Variants in DYNC1I2 observed in about 807,000 individuals in gnomAD.
The protein encoded by DYNC1I2 is dynein cytoplasmic 1 intermediate chain 2, also known as cytoplasmic dynein 1 intermediate chain 2.
In DYNC1I2, 53 loss-of-function variants were observed where a neutral mutation model predicts 88.6. The ratio of observed to expected loss-of-function variants is 0.60; its 90% confidence interval spans 0.48 to 0.75. The LOEUF is 0.75. Among genes scored for constraint, DYNC1I2 ranks in the 30% least tolerant of loss-of-function variants. The pLI is 0.00. For missense variants in DYNC1I2, 458 were observed against 766.6 expected, an observed-to-expected ratio of 0.60 and a Z score of 4.75; for synonymous variants, 198 against 254.6, an observed-to-expected ratio of 0.78 and a Z score of 2.12.
At chr2:171,732,787 A>G (rs559433351) in intron 15 of DYNC1I2, among the ~76,000 whole-genome samples, 1 of 152,228 alleles carries the variant, frequency 6.6e-6, no homozygotes, top group African/African-American at 2.4e-5. Flanking sequence ...TAGTAATCCC[A>G]TGTATAGTCA....
At position 171,730,110 on chromosome 2, in the gene DYNC1I2, G is replaced by T. The variant is rs190667828; in HGVS notation, c.1536+257G>T. 1.1e-3 allele frequency among the ~76,000 whole-genome samples: 172 copies of T among 152,280 alleles called. 2 individuals carry two copies. Among genetic ancestry groups the T allele is most frequent in the South Asian group, 2.5e-3 (12 of 4,822 alleles). ...CTTCAGTCTTTTCGAGCATGTAACT[G>T]TTTACCCTGAACTGCACTGGGAAAA... On this transcript the variant is annotated intron_variant, in intron 15 of 17. Coordinates refer to ENST00000397119, the MANE Select transcript of DYNC1I2 (RefSeq NM_001378.3).
intron 6 of DYNC1I2, 69 bp downstream of exon 6, chr2:171,712,895 T>G (rs1687220750): frequency 7.4e-7 from 1 of 1,357,464 alleles, no homozygotes; most frequent in Non-Finnish European, 1.1e-6. Flanking sequence ...TGTCCTAATT[T>G]TATTTTGCTT....
In DYNC1I2 at chr2:171,706,556, A is replaced by T; in HGVS notation, c.236A>T (p.Glu79Val). Residue 79 changes from glutamate to valine, a missense_variant, in exon 4 of 18, where the codon GAA (glutamate) becomes GTA (valine). Glu to Val is a moderately radical substitution (Grantham distance 121, BLOSUM62 -2). Transcript: ENST00000397119. Reference protein sequence around the residue: ...LTPESPIVFSEYWVPPPMSPS... With the variant: ...LTPESPIVFSVYWVPPPMSPS... ...TGTCTGTACACTTCAGTTTTTTCTGAATACTGGGGTAAGGAAGTTCCCATA... is the reference window on the plus strand; with the variant it reads ...TGTCTGTACACTTCAGTTTTTTCTGTATACTGGGGTAAGGAAGTTCCCATA... The T allele has an allele frequency of 6.2e-7, 1 of 1,612,320 alleles. No individual in the cohort carries two copies. The highest frequency in any genetic ancestry group is 1.1e-5 in the South Asian group (1 of 90,936).
Position 171,726,826 on chromosome 2 carries a change from T to C in DYNC1I2, c.906T>C (p.Asn302=). Residue 302 remains asparagine (N), a synonymous_variant, in exon 11 of 18, where the codon AAT becomes AAC. Transcript: ENST00000397119. ...PELLVASYNN[N]EDAPHEPDGV... is the part of the protein sequence containing the mutation. ...TACTCGTGGCTTCCTATAACAACAA[T>C]GAAGATGCCCCTCATGAGCCTGATG... The C allele has an allele frequency of 6.2e-7, 1 of 1,613,210 alleles. No individual in the cohort carries two copies. Among genetic ancestry groups the C allele is most frequent in the Non-Finnish European group, 8.5e-7 (1 of 1,179,392 alleles).
Position 171,737,432 on chromosome 2 carries a change from G to T in DYNC1I2, c.1537-6617G>T, listed in dbSNP as rs112526230. 2.6e-4 allele frequency among the ~76,000 whole-genome samples: 39 copies of T among 152,164 alleles called. 2 individuals carry two copies. Among genetic ancestry groups the T allele is most frequent in the African/African-American group, 8.7e-4 (36 of 41,530 alleles). ...CCTTAAAGAGCTTAGGAAAAATATG[G>T]CTTGACTCGTGACCATACTCTGTTG... On this transcript the variant is annotated intron_variant, in intron 15 of 17. Coordinates refer to ENST00000397119, the MANE Select transcript of DYNC1I2 (RefSeq NM_001378.3).
At chr2:171,728,973 G>A in intron 14 of DYNC1I2, 123 bp downstream of exon 14, 1 of 1,074,262 alleles carries the variant, frequency 9.3e-7, no homozygotes, top group Non-Finnish European at 1.3e-6. Flanking sequence ...GATTTTTTGT[G>A]TTCAGGCACA....
At chr2:171,690,320 C>A in intron 2 of DYNC1I2, 57 bp downstream of exon 2, 1 of 1,269,260 alleles carries the variant, frequency 7.9e-7, no homozygotes, top group Non-Finnish European at 1.1e-6. Flanking sequence ...TTTTATTTCA[C>A]ATATTTATAT....
intron 1 of DYNC1I2, 181 bp downstream of exon 1, chr2:171,687,808 T>G (rs1289799767): frequency 1.3e-5 from 2 of 152,854 alleles, no homozygotes; most frequent in African/African-American, 4.8e-5. Context: ...TGTTGGGGGC[T>G]TAGGCGAGGG....
chr2:171,701,870 T>C (rs937813700), intron 3 of DYNC1I2, among the ~76,000 whole-genome samples: 26 of 152,218 alleles, frequency 1.7e-4, no homozygotes, highest in African/African-American at 5.5e-4. Flanking sequence ...AATAGTATCT[T>C]CCTCTTGATT....
At chr2:171,712,171 A>G (rs1371963766) in intron 5 of DYNC1I2, among the ~76,000 whole-genome samples, 1 of 152,208 alleles carries the variant, frequency 6.6e-6, no homozygotes, top group Non-Finnish European at 1.5e-5. Context: ...ACGTAAGCCC[A>G]AGGCGGTGCT....
intron 5 of DYNC1I2, among the ~76,000 whole-genome samples, chr2:171,710,631 A>G (rs1015142346): frequency 2.0e-5 from 3 of 151,958 alleles, no homozygotes; most frequent in African/African-American, 7.3e-5. Context: ...GCTGCATTAC[A>G]TTTGTTATCT....
intron 7 of DYNC1I2, among the ~76,000 whole-genome samples, chr2:171,715,826 T>G (rs989369796): frequency 1.3e-5 from 2 of 152,150 alleles, no homozygotes; most frequent in African/African-American, 4.8e-5. Context: ...GTAAACAAAG[T>G]CATGTAAATT....
intron 3 of DYNC1I2, among the ~76,000 whole-genome samples, chr2:171,693,821 GTATT>G (rs1325360374): frequency 1.3e-5 from 2 of 152,142 alleles, no homozygotes; most frequent in South Asian, 4.1e-4. Context: ...TTAATTTTAT[GTATT>G]TATTCAATAA....
intron 3 of DYNC1I2, among the ~76,000 whole-genome samples, chr2:171,698,817 C>T (rs1249393384): frequency 6.6e-6 from 1 of 151,952 alleles, no homozygotes; most frequent in Non-Finnish European, 1.5e-5. Context: ...TGCAGTGAGC[C>T]GAGATGGCGC....
At chr2:171,725,774 A>AC (rs60951028) in intron 8 of DYNC1I2, 61 bp downstream of exon 8, 4 of 1,309,200 alleles carry the variant, frequency 3.1e-6, no homozygotes, top group East Asian at 4.9e-5. Context: ...TCCTTTTATT[A>AC]TGTATTAAAG....
chr2:171,695,179 A>C (rs1685673236), intron 3 of DYNC1I2, among the ~76,000 whole-genome samples: 1 of 151,670 alleles, frequency 6.6e-6, no homozygotes, highest in South Asian at 2.1e-4. Context: ...AGCTCACTGC[A>C]ACCTCCACCT....
chr2:171,708,415 TA>T (rs1296471665), intron 5 of DYNC1I2, among the ~76,000 whole-genome samples: 1 of 152,216 alleles, frequency 6.6e-6, no homozygotes, highest in Non-Finnish European at 1.5e-5. Context: ...CATTAACAAT[TA>T]AAAGGCACAT....
chr2:171,714,562 G>A (rs1443738470), intron 6 of DYNC1I2, among the ~76,000 whole-genome samples: 2 of 152,110 alleles, frequency 1.3e-5, no homozygotes, highest in Non-Finnish European at 2.9e-5. Context: ...CTCCCAGATA[G>A]CTAATAAAAT....
chr2:171,715,042 A>G (rs1687391262), intron 6 of DYNC1I2, among the ~76,000 whole-genome samples: 1 of 152,136 alleles, frequency 6.6e-6, no homozygotes, highest in African/African-American at 2.4e-5. Flanking sequence ...TGAAGTTCCT[A>G]TTCTCTTACT....
Sources: gnomAD v4.1 joint callset for allele counts (sites outside exome capture counted in the v4.1 genomes callset) on GRCh38, gnomAD v4.1.1 for gene constraint, MANE v1.5 for transcripts, NCBI Gene and HGNC (gene_info 2026-07-23, HGNC 2026-07-21) for gene names.